The following CHRM3 variants were observed in gnomAD, a reference collection of about 807,000 sequenced individuals.
CHRM3 encodes cholinergic receptor muscarinic 3.
In CHRM3, 11 loss-of-function variants were observed where a neutral mutation model predicts 41.8. The observed-to-expected ratio is 0.26, with a 90% CI of 0.17 to 0.44. The LOEUF is 0.44. Among genes scored for constraint, CHRM3 ranks in the 20% least tolerant of loss-of-function variants. The pLI is 1.00. For synonymous variants in CHRM3, 297 were observed against 301.4 expected, an observed-to-expected ratio of 0.99 and a Z score of 0.15; for missense variants, 571 against 745.4, an observed-to-expected ratio of 0.77 and a Z score of 2.72.
intron 5 of CHRM3, among the ~76,000 whole-genome samples, chr1:239,687,655 G>A (rs952741214): frequency 3.9e-5 from 6 of 152,074 alleles, no homozygotes; most frequent in African/African-American, 9.7e-5. Context: ...ACATAGCCAC[G>A]TGCTGCATAA....
chr1:239,482,542 C>A (rs895110651), intron 1 of CHRM3, among the ~76,000 whole-genome samples: 1 of 152,168 alleles, frequency 6.6e-6, no homozygotes, highest in Admixed American at 6.5e-5. Context: ...ACTGTCAGTT[C>A]ACGGGCCTAA....
intron 3 of CHRM3, among the ~76,000 whole-genome samples, chr1:239,594,596 G>A (rs1664574109): frequency 6.6e-6 from 1 of 152,168 alleles, no homozygotes. Flanking sequence ...GGTGTTTTGA[G>A]AAAGTGCAAT....
chr1:239,877,620 C>T (rs1447910361), intron 6 of CHRM3, among the ~76,000 whole-genome samples: 2 of 152,138 alleles, frequency 1.3e-5, no homozygotes, highest in Admixed American at 1.3e-4. Context: ...GAGACTGAGG[C>T]TAAGAAAGGT....
chr1:239,412,210 CTTCCCA>C (rs1661134428), intron 1 of CHRM3, among the ~76,000 whole-genome samples: 5 of 144,002 alleles, frequency 3.5e-5, no homozygotes, highest in South Asian at 2.3e-4. Context: ...TCCCTCCCTC[CTTCCCA>C]CTCTTTTTCT....
chr1:239,444,919 G>A lies in CHRM3; in HGVS notation c.-520-47790G>A, dbSNP rs932136179. 3.9e-5 allele frequency among the ~76,000 whole-genome samples: 6 copies of A among 152,184 alleles called. No homozygotes were observed. The East Asian group carries it at 9.6e-4, about 24-fold the overall frequency. Reference sequence around the variant, plus strand: ...AGGGGCGGAGATAGTAAAAGAAAGAGCAAAGATGTCACTGAGGTCTCTGGC... The same window carrying A: ...AGGGGCGGAGATAGTAAAAGAAAGAACAAAGATGTCACTGAGGTCTCTGGC... On this transcript the variant is annotated intron_variant, in intron 1 of 6. Coordinates refer to ENST00000676153, the MANE Select transcript of CHRM3 (RefSeq NM_001375978.1).
intron 5 of CHRM3, chr1:239,704,834 G>A (rs1660998397): frequency 6.6e-6 from 1 of 152,204 alleles, no homozygotes; most frequent in Admixed American, 6.5e-5. Context: ...TTATGCGAAA[G>A]TCTTCTTTGG....
intron 5 of CHRM3, among the ~76,000 whole-genome samples, chr1:239,826,680 G>A (rs952586876): frequency 3.3e-5 from 5 of 152,074 alleles, no homozygotes; most frequent in Non-Finnish European, 7.4e-5. Flanking sequence ...TTTGATAAAG[G>A]GTAGAAGCAA....
intron 3 of CHRM3, among the ~76,000 whole-genome samples, chr1:239,568,075 C>T (rs764201571): frequency 6.6e-6 from 1 of 152,092 alleles, no homozygotes; most frequent in African/African-American, 2.4e-5. Flanking sequence ...CAGGAAGTGC[C>T]GGCTGCAGAG....
intron 6 of CHRM3, among the ~76,000 whole-genome samples, chr1:239,857,519 A>C (rs1287981857): frequency 6.6e-6 from 1 of 152,160 alleles, no homozygotes; most frequent in Admixed American, 6.6e-5. Flanking sequence ...TGTGTGAAGT[A>C]AAAATCAAGT....
At chr1:239,411,611 G>A (rs930982914) in intron 1 of CHRM3, among the ~76,000 whole-genome samples, 8 of 149,428 alleles carry the variant, frequency 5.4e-5, no homozygotes, top group African/African-American at 7.4e-5. Context: ...TACAATCCCA[G>A]CTACTCAGGA....
intron 3 of CHRM3, among the ~76,000 whole-genome samples, chr1:239,591,497 C>T (rs746126460): frequency 1.8e-4 from 27 of 151,966 alleles, no homozygotes; most frequent in Non-Finnish European, 3.1e-4. Context: ...ACCATCTTAA[C>T]GTGCTAAAGC....
chr1:239,432,768 A>G (rs1662929364), intron 1 of CHRM3, among the ~76,000 whole-genome samples: 1 of 152,208 alleles, frequency 6.6e-6, no homozygotes, highest in Non-Finnish European at 1.5e-5. Context: ...AAACTGTCAA[A>G]TCCAGTCAAA....
chr1:239,408,503 A>G (rs6677111), intron 1 of CHRM3, among the ~76,000 whole-genome samples: 70,034 of 142,732 alleles, frequency 0.49, 17,481 homozygotes, highest in African/African-American at 0.55. Context: ...CAGCCTGGGC[A>G]ACAGAGAGAG....
intron 5 of CHRM3, among the ~76,000 whole-genome samples, chr1:239,702,374 G>A (rs1257864622): frequency 1.3e-5 from 2 of 152,084 alleles, no homozygotes; most frequent in African/African-American, 4.8e-5. Flanking sequence ...GTAAGTTCTG[G>A]TTTTGCAAAC....
chr1:239,904,255 G>A (rs1426856458), intron 6 of CHRM3, among the ~76,000 whole-genome samples: 2 of 152,136 alleles, frequency 1.3e-5, no homozygotes, highest in African/African-American at 4.8e-5. Flanking sequence ...ATAAACACAG[G>A]CCCGGTGCTG....
At chr1:239,861,012 T>C (rs536804781) in intron 6 of CHRM3, among the ~76,000 whole-genome samples, 1 of 152,322 alleles carries the variant, frequency 6.6e-6, no homozygotes, top group South Asian at 2.1e-4. Context: ...TAATCTCCAA[T>C]ACCTTACAAG....
intron 1 of CHRM3, among the ~76,000 whole-genome samples, chr1:239,444,132 C>T (rs1010754788): frequency 3.3e-5 from 5 of 152,112 alleles, no homozygotes; most frequent in Non-Finnish European, 5.9e-5. Context: ...GTTTTAAGGA[C>T]CCTGCCTTAG....
chr1:239,387,782 G>A lies in CHRM3; in HGVS notation c.-521+555G>A, dbSNP rs1282008225. On this transcript the variant is annotated intron_variant, in intron 1 of 6. Coordinates refer to ENST00000676153, the MANE Select transcript of CHRM3 (RefSeq NM_001375978.1). This position sits in a 1 kb window ranked among gnomAD's most constrained non-coding sequence, Gnocchi z 5.1. ...GGCCGCAAGTTCGGATTGCATTTCAGGGGGCGAGAAGGCAAATTTGGCACT... is the reference window on the plus strand; with the variant it reads ...GGCCGCAAGTTCGGATTGCATTTCAAGGGGCGAGAAGGCAAATTTGGCACT... Among the ~76,000 whole-genome samples, 1 of 152,150 alleles carries A rather than the reference G, an allele frequency of 6.6e-6. No individual in the cohort carries two copies. The highest frequency in any genetic ancestry group is 2.4e-5 in the African/African-American group (1 of 41,438).
At chr1:239,476,545 A>G (rs1666485128) in intron 1 of CHRM3, among the ~76,000 whole-genome samples, 1 of 152,120 alleles carries the variant, frequency 6.6e-6, no homozygotes, top group Non-Finnish European at 1.5e-5. Flanking sequence ...TTATGTTCAC[A>G]TCGTTGTCAA....
Sources: allele counts gnomAD v4.1 joint callset (sites outside exome capture counted in the v4.1 genomes callset), GRCh38; gene constraint gnomAD v4.1.1; non-coding constraint Gnocchi (gnomAD v3.1); transcripts MANE v1.5; gene names NCBI Gene and HGNC (gene_info 2026-07-23, HGNC 2026-07-21).